Variants in HECW1 observed in about 807,000 individuals in gnomAD.
HECW1 encodes the protein E3 ubiquitin-protein ligase HECW1.
A neutral mutation model predicts 182.3 loss-of-function variants in HECW1; 61 were observed. The ratio of observed to expected loss-of-function variants is 0.33; its 90% CI spans 0.27 to 0.41. The LOEUF (loss-of-function observed/expected upper bound fraction) is 0.41, where lower values mean the gene tolerates loss of function less well. Among genes scored for constraint, HECW1 ranks in the 10% least tolerant of loss-of-function variants. The pLI is 1.00. For missense variants in HECW1, 1,739 were observed against 2,108.9 expected (o/e 0.82, Z 3.44); for synonymous variants, 859 against 832.6 (o/e 1.03, Z -0.55).
chr7:43,427,613 A>G (rs1160194228), intron 8 of HECW1, among the ~76,000 whole-genome samples: 1 of 152,232 alleles, frequency 6.6e-6, no homozygotes, highest in East Asian at 1.9e-4. Context: ...TTACAAGAGC[A>G]GCCATTTATT....
intron 2 of HECW1, among the ~76,000 whole-genome samples, chr7:43,198,431 ACATT>A (rs1217677115): frequency 2.1e-5 from 3 of 143,542 alleles, no homozygotes; most frequent in Non-Finnish European, 4.6e-5. Context: ...ACTCATACTC[ACATT>A]CACACACTCA....
At chr7:43,262,120 C>T (rs111294699) in intron 3 of HECW1, among the ~76,000 whole-genome samples, 40,551 of 151,906 alleles carry the variant, frequency 0.27, 5,669 homozygotes, top group Middle Eastern at 0.44. Context: ...ACTTGGGAGG[C>T]TGAGGCATGA....
intron 3 of HECW1, among the ~76,000 whole-genome samples, chr7:43,273,858 T>C (rs1183202582): frequency 9.8e-6 from 1 of 102,020 alleles, no homozygotes; most frequent in African/African-American, 6.0e-5. Flanking sequence ...AATATGATTC[T>C]TTTTTTTTTT....
At chr7:43,196,957 C>T (rs1422036121) in intron 2 of HECW1, among the ~76,000 whole-genome samples, 1 of 151,932 alleles carries the variant, frequency 6.6e-6, no homozygotes, top group East Asian at 1.9e-4. Flanking sequence ...GCATCATATT[C>T]ATTTCATAAA....
intron 3 of HECW1, among the ~76,000 whole-genome samples, chr7:43,262,718 T>C (rs1335517127): frequency 6.6e-6 from 1 of 152,210 alleles, no homozygotes; most frequent in African/African-American, 2.4e-5. Context: ...TAAAATGCCA[T>C]TTCCTCCTTT....
Position 43,501,240 on chromosome 7 carries a change from C to A in HECW1, c.3549C>A (p.Tyr1183Ter). Residue 1183 changes from tyrosine to a stop codon, truncating the protein, a stop_gained, in exon 21 of 30, where the codon TAC becomes TAA. Transcript: ENST00000395891. LOFTEE classifies it high-confidence loss of function. ...TCTTTGAAGAAGAGATTATGTCCTACGTCCCCCTGCAGGCTGCCTTCCACC... is the reference window on the plus strand; with the variant it reads ...TCTTTGAAGAAGAGATTATGTCCTAAGTCCCCCTGCAGGCTGCCTTCCACC... ...LSLFEEEIMS[Y>*]VPLQAAFHPG... is the part of the protein sequence containing the mutation. The A allele has an allele frequency of 1.3e-6, 2 of 1,488,998 alleles. No individual in the cohort carries two copies. The highest frequency in any genetic ancestry group is 9.2e-7 in the Non-Finnish European group (1 of 1,082,030). 92.2% of individuals were successfully genotyped at this position (1,488,998 alleles called of 1,614,324 possible). A position where few individuals can be genotyped will look rare whatever the true frequency, so the allele number is the denominator to read the frequency against.
intron 24 of HECW1, among the ~76,000 whole-genome samples, chr7:43,513,615 A>C (rs1337612596): frequency 2.0e-5 from 3 of 152,100 alleles, no homozygotes; most frequent in African/African-American, 7.2e-5. Flanking sequence ...AATATGAATA[A>C]ATATAGTGAA....
chr7:43,362,857 C>G (rs949113067), intron 6 of HECW1, among the ~76,000 whole-genome samples: 1 of 152,242 alleles, frequency 6.6e-6, no homozygotes, highest in Non-Finnish European at 1.5e-5. Flanking sequence ...ATGAGGCAGA[C>G]ACAAGGATCC....
intron 2 of HECW1, among the ~76,000 whole-genome samples, chr7:43,123,438 T>C (rs767293252): frequency 6.6e-6 from 1 of 152,204 alleles, no homozygotes; most frequent in African/African-American, 2.4e-5. Flanking sequence ...TGTAGGAACA[T>C]GCTCTCCTGT....
At chr7:43,292,572 C>T (rs74355700) in intron 3 of HECW1, among the ~76,000 whole-genome samples, 8,224 of 152,226 alleles carry the variant, frequency 0.054, 298 homozygotes, top group Middle Eastern at 0.11. Flanking sequence ...ACAAGTGTGG[C>T]CCAGAGCCTG....
chr7:43,253,653 T>C (rs992636381), intron 3 of HECW1, among the ~76,000 whole-genome samples: 1 of 152,166 alleles, frequency 6.6e-6, no homozygotes, highest in Non-Finnish European at 1.5e-5. Flanking sequence ...TGTTAAGAGA[T>C]GTGCATTGGG....
intron 13 of HECW1, among the ~76,000 whole-genome samples, chr7:43,461,699 G>T (rs955361293): frequency 6.6e-6 from 1 of 152,096 alleles, no homozygotes; most frequent in African/African-American, 2.4e-5. Context: ...GTACGGGGTG[G>T]TGAATTACAA....
intron 24 of HECW1, among the ~76,000 whole-genome samples, chr7:43,536,812 T>C (rs546905096): frequency 1.3e-5 from 2 of 152,224 alleles, no homozygotes; most frequent in African/African-American, 4.8e-5. Context: ...TGTAAACTCT[T>C]AGGGCCCAGG....
intron 6 of HECW1, among the ~76,000 whole-genome samples, chr7:43,387,676 C>T (rs1237404579): frequency 6.6e-6 from 1 of 152,166 alleles, no homozygotes; most frequent in Admixed American, 6.5e-5. Flanking sequence ...ATATTTATAA[C>T]TCTTCTAAGC....
rs573839770 is a variant in HECW1, at chr7:43,232,422, T to A, written c.-31-11453T>A. 5.3e-5 allele frequency among the ~76,000 whole-genome samples: 8 copies of A among 152,332 alleles called. No homozygotes were observed. In the South Asian group the frequency reaches 1.2e-3, roughly 24 times the overall value. On this transcript the variant is annotated intron_variant, in intron 2 of 29. Coordinates refer to ENST00000395891, the MANE Select transcript of HECW1 (RefSeq NM_015052.5). ...ATGGAGGCTGGCTGTGCAACTGCAT[T>A]AGCTTGCTTTTGCTGGTTATGCTGT...
chr7:43,224,444 G>A (rs1797247849), intron 2 of HECW1, among the ~76,000 whole-genome samples: 1 of 152,218 alleles, frequency 6.6e-6, no homozygotes, highest in Non-Finnish European at 1.5e-5. Context: ...GTTCGGGGAT[G>A]TGGCATTTGT....
At chr7:43,554,018 T>A (rs1024808415) in intron 28 of HECW1, among the ~76,000 whole-genome samples, 9 of 152,246 alleles carry the variant, frequency 5.9e-5, no homozygotes, top group African/African-American at 2.2e-4. Context: ...TCTCCCCAGC[T>A]TACTGTGAGA....
intron 3 of HECW1, among the ~76,000 whole-genome samples, chr7:43,273,004 T>C (rs1047140041): frequency 6.6e-6 from 1 of 152,180 alleles, no homozygotes; most frequent in Non-Finnish European, 1.5e-5. Context: ...AAAGAATGAA[T>C]CATGTCCTTT....
At chr7:43,438,313 T>A in intron 9 of HECW1, 168 bp downstream of exon 9, 1 of 565,546 alleles carries the variant, frequency 1.8e-6, no homozygotes, top group Non-Finnish European at 3.0e-6. Flanking sequence ...CATAAGTGTT[T>A]GTTATATTAA....
Sources: allele counts gnomAD v4.1 joint callset (sites outside exome capture counted in the v4.1 genomes callset), GRCh38; gene constraint gnomAD v4.1.1; transcripts MANE v1.5; gene names NCBI Gene and HGNC (gene_info 2026-07-23, HGNC 2026-07-21).